The following CADPS2 variants were observed in gnomAD, a reference collection of about 807,000 sequenced individuals.
CADPS2 encodes the protein calcium-dependent secretion activator 2.
Under a neutral mutation model 172.5 loss-of-function variants are expected in CADPS2, and 93 were observed. That is an observed-to-expected ratio of 0.54 (90% CI 0.46 to 0.64). The LOEUF is 0.64. Among genes scored for constraint, CADPS2 ranks in the 30% least tolerant of loss-of-function variants. CADPS2 has a pLI of 0.00. For synonymous variants in CADPS2, 546 were observed against 555.2 expected (o/e 0.98, Z 0.23); for missense variants, 1,420 against 1,565.9 (o/e 0.91, Z 1.57).
At chr7:122,861,224 T>A (rs954177119) in intron 1 of CADPS2, among the ~76,000 whole-genome samples, 1 of 152,172 alleles carries the variant, frequency 6.6e-6, no homozygotes, top group Non-Finnish European at 1.5e-5. Context: ...CCACCAGCAG[T>A]GTTTAAGAGT....
At chr7:122,371,497 T>C (rs889173526) in intron 25 of CADPS2, among the ~76,000 whole-genome samples, 2 of 150,274 alleles carry the variant, frequency 1.3e-5, no homozygotes, top group African/African-American at 4.9e-5. Context: ...GAGAATAACA[T>C]GGGGGAAACC....
At chr7:122,720,728 A>T (rs527883990) in intron 2 of CADPS2, among the ~76,000 whole-genome samples, 4 of 151,954 alleles carry the variant, frequency 2.6e-5, no homozygotes, top group African/African-American at 4.8e-5. Context: ...TATTCCTAAA[A>T]GTGAATCACC....
At chr7:122,525,182 A>G (rs1291905970) in intron 8 of CADPS2, among the ~76,000 whole-genome samples, 1 of 152,098 alleles carries the variant, frequency 6.6e-6, no homozygotes, top group African/African-American at 2.4e-5. Flanking sequence ...TAAAATTTTG[A>G]TCATAATCTC....
chr7:122,784,971 T>A (rs1245536527), intron 1 of CADPS2, among the ~76,000 whole-genome samples: 1 of 152,198 alleles, frequency 6.6e-6, no homozygotes, highest in Non-Finnish European at 1.5e-5. Context: ...GTCCCTGGAA[T>A]CAAATCTCCA....
At chr7:122,849,184 T>C (rs552727061) in intron 1 of CADPS2, among the ~76,000 whole-genome samples, 25 of 152,356 alleles carry the variant, frequency 1.6e-4, no homozygotes, top group African/African-American at 6.0e-4. Context: ...CCACTATTTT[T>C]CATAAACACA....
At chr7:122,885,513 C>A (rs1824097487) in intron 1 of CADPS2, among the ~76,000 whole-genome samples, 1 of 152,078 alleles carries the variant, frequency 6.6e-6, no homozygotes, top group Admixed American at 6.5e-5. Flanking sequence ...AATTTCTACC[C>A]CTCTTAAGTG....
chr7:122,468,850 T>A (rs1186928267), intron 14 of CADPS2, among the ~76,000 whole-genome samples: 2 of 152,208 alleles, frequency 1.3e-5, no homozygotes, highest in Non-Finnish European at 2.9e-5. Context: ...ATTATTTCTA[T>A]CCTAAATTGA....
At chr7:122,744,390 C>T (rs2092630514) in intron 1 of CADPS2, among the ~76,000 whole-genome samples, 1 of 152,136 alleles carries the variant, frequency 6.6e-6, no homozygotes, top group African/African-American at 2.4e-5. Context: ...ATGCAGTTAA[C>T]AGTAATATGG....
intron 8 of CADPS2, among the ~76,000 whole-genome samples, chr7:122,529,239 C>T (rs2061549787): frequency 6.6e-6 from 1 of 151,966 alleles, no homozygotes. Context: ...CCCAAAAAAG[C>T]AACACTAAGA....
intron 8 of CADPS2, among the ~76,000 whole-genome samples, chr7:122,541,047 TTGAG>T (rs1301255640): frequency 2.0e-5 from 3 of 152,024 alleles, no homozygotes; most frequent in African/African-American, 7.2e-5. Flanking sequence ...TTACTGTAAA[TTGAG>T]TATGTTAATA....
intron 18 of CADPS2, 43 bp downstream of exon 18, chr7:122,416,018 G>T: frequency 8.0e-7 from 1 of 1,249,034 alleles, no homozygotes; most frequent in Non-Finnish European, 1.1e-6. Flanking sequence ...CCATGGTGAA[G>T]CCTTACATAT....
intron 17 of CADPS2, among the ~76,000 whole-genome samples, chr7:122,435,094 A>C (rs760810923): frequency 4.6e-5 from 7 of 152,242 alleles, no homozygotes; most frequent in Non-Finnish European, 8.8e-5. Context: ...TGACAAAATC[A>C]AAGCATTTTC....
chr7:122,660,100 A>G (rs1279272329), intron 3 of CADPS2, among the ~76,000 whole-genome samples: 1 of 152,208 alleles, frequency 6.6e-6, no homozygotes, highest in Non-Finnish European at 1.5e-5. Context: ...AAGGTAAAAT[A>G]CATATAATCT....
intron 1 of CADPS2, among the ~76,000 whole-genome samples, chr7:122,815,385 C>G (rs17144947): frequency 2.6e-5 from 4 of 151,900 alleles, no homozygotes; most frequent in Non-Finnish European, 4.4e-5. Context: ...GCTTTTATCC[C>G]ACATCTGGAA....
chr7:122,557,971 C>T (rs2065242266), intron 7 of CADPS2, among the ~76,000 whole-genome samples: 2 of 152,092 alleles, frequency 1.3e-5, no homozygotes, highest in South Asian at 2.1e-4. Context: ...CAGCCAAGTT[C>T]AGAGAACACC....
At chr7:122,486,285 TC>T (rs1339051431) in intron 11 of CADPS2, among the ~76,000 whole-genome samples, 3 of 152,202 alleles carry the variant, frequency 2.0e-5, no homozygotes, top group Admixed American at 2.0e-4. Context: ...TGGAAAGGAT[TC>T]ATCATTCCAA....
intron 6 of CADPS2, among the ~76,000 whole-genome samples, chr7:122,608,584 T>A (rs2073894088): frequency 6.6e-6 from 1 of 152,184 alleles, no homozygotes; most frequent in Admixed American, 6.5e-5. Flanking sequence ...AAATGGATGC[T>A]CTATCATAAT....
chr7:122,635,465 T>C (rs1009857963), intron 3 of CADPS2, among the ~76,000 whole-genome samples: 2 of 141,066 alleles, frequency 1.4e-5, no homozygotes, highest in African/African-American at 5.2e-5. Flanking sequence ...GAGTGTGATG[T>C]TCCCCTTCCT....
intron 1 of CADPS2, among the ~76,000 whole-genome samples, chr7:122,863,969 G>A (rs1372405993): frequency 6.6e-6 from 1 of 152,202 alleles, no homozygotes; most frequent in Non-Finnish European, 1.5e-5. Context: ...GGCAGAGGTT[G>A]CAGTGAGCTG....
Sources: allele counts gnomAD v4.1 joint callset (sites outside exome capture counted in the v4.1 genomes callset), GRCh38; gene constraint gnomAD v4.1.1; transcripts MANE v1.5; gene names NCBI Gene and HGNC (gene_info 2026-07-23, HGNC 2026-07-21).